SGPP2: variants seen among roughly 807,000 people sequenced by gnomAD.
SGPP2 encodes sphingosine 1-phosphate phosphohydrolase 2.
A neutral mutation model predicts 33.9 loss-of-function variants in SGPP2; 30 were observed. The ratio of observed to expected loss-of-function variants is 0.89; its 90% CI spans 0.66 to 1.20. SGPP2 has a LOEUF of 1.20. SGPP2 is among the 50% of genes most tolerant of loss of function. SGPP2 has a pLI of 0.00. For synonymous variants in SGPP2, 233 were observed against 225.0 expected, an observed-to-expected ratio of 1.04 and a Z score of -0.32; for missense variants, 458 against 532.1, an observed-to-expected ratio of 0.86 and a Z score of 1.37.
At chr2:222,506,608 A>G (rs1280767443) in intron 2 of SGPP2, among the ~76,000 whole-genome samples, 1 of 152,206 alleles carries the variant, frequency 6.6e-6, no homozygotes, top group East Asian at 1.9e-4. Context: ...ATATGTGTTC[A>G]TCAGTCGTTT....
intron 1 of SGPP2, among the ~76,000 whole-genome samples, chr2:222,429,763 G>A (rs1348170555): frequency 1.3e-5 from 2 of 152,178 alleles, no homozygotes; most frequent in Non-Finnish European, 2.9e-5. Context: ...GTCCAGACTT[G>A]AAACTGTTGA....
chr2:222,539,230 G>A (rs1007477627), intron 4 of SGPP2, among the ~76,000 whole-genome samples: 3 of 152,322 alleles, frequency 2.0e-5, no homozygotes, highest in East Asian at 1.9e-4. Flanking sequence ...GAAAGGGGCC[G>A]CAGTCTGGCC....
At chr2:222,514,181 T>C (rs1442862658) in intron 2 of SGPP2, among the ~76,000 whole-genome samples, 2 of 152,222 alleles carry the variant, frequency 1.3e-5, no homozygotes, top group Non-Finnish European at 2.9e-5. Flanking sequence ...ATTTATTTCA[T>C]AGGATAGTAG....
intron 2 of SGPP2, among the ~76,000 whole-genome samples, chr2:222,507,351 A>C (rs145334969): frequency 6.6e-6 from 1 of 152,210 alleles, no homozygotes; most frequent in Non-Finnish European, 1.5e-5. Flanking sequence ...GGATATTCTG[A>C]GACTATCTTT....
At chr2:222,448,591 C>CATTTA (rs1206393712) in intron 1 of SGPP2, among the ~76,000 whole-genome samples, 10 of 152,162 alleles carry the variant, frequency 6.6e-5, no homozygotes, top group Non-Finnish European at 1.5e-4. Flanking sequence ...GCTTAATAAG[C>CATTTA]GCTGTGTTGT....
At chr2:222,556,978 T>C (rs1689423033) in intron 4 of SGPP2, among the ~76,000 whole-genome samples, 1 of 146,326 alleles carries the variant, frequency 6.8e-6, no homozygotes, top group Non-Finnish European at 1.5e-5. Flanking sequence ...CCATCCACCC[T>C]CCCCACTGCA....
intron 1 of SGPP2, among the ~76,000 whole-genome samples, chr2:222,451,521 G>C (rs556962466): frequency 1.3e-5 from 2 of 152,330 alleles, no homozygotes; most frequent in East Asian, 3.9e-4. Context: ...AGAAACTGCA[G>C]AGCAGATGTC....
chr2:222,494,787 G>A (rs1293894052), intron 2 of SGPP2, among the ~76,000 whole-genome samples: 2 of 152,192 alleles, frequency 1.3e-5, no homozygotes, highest in African/African-American at 2.4e-5. Context: ...GCCAAAGACT[G>A]TACCTCTCTT....
intron 4 of SGPP2, among the ~76,000 whole-genome samples, chr2:222,528,065 C>T (rs1436219662): frequency 1.3e-5 from 2 of 152,230 alleles, no homozygotes; most frequent in East Asian, 3.9e-4. Context: ...GATAGCGTGC[C>T]CCTTCCCTGG....
chr2:222,526,331 A>G (rs1401771412), intron 4 of SGPP2, among the ~76,000 whole-genome samples: 1 of 152,210 alleles, frequency 6.6e-6, no homozygotes, highest in East Asian at 1.9e-4. Flanking sequence ...GGCGGGCCTC[A>G]GATCTTGGAA....
At chr2:222,515,389 C>A (rs1698589424) in intron 2 of SGPP2, among the ~76,000 whole-genome samples, 1 of 152,136 alleles carries the variant, frequency 6.6e-6, no homozygotes, top group Admixed American at 6.5e-5. Context: ...AGCGCAGTGG[C>A]ATGATCTTGG....
At chr2:222,518,652 G>A (rs1002118646) in intron 2 of SGPP2, among the ~76,000 whole-genome samples, 1 of 152,168 alleles carries the variant, frequency 6.6e-6, no homozygotes, top group African/African-American at 2.4e-5. Flanking sequence ...ACAGGAGGGA[G>A]GCAGAAACAT....
intron 1 of SGPP2, among the ~76,000 whole-genome samples, chr2:222,464,015 TGAAGTTTATAACACTCCTTCTC>T (rs1697705732): frequency 6.6e-6 from 1 of 152,148 alleles, no homozygotes; most frequent in African/African-American, 2.4e-5. Context: ...ACGAGTAAAC[TGAAGTTTATAACACTCCTTCTC>T]GAACATCATA....
At position 222,474,621 on chromosome 2, in the gene SGPP2, A is replaced by G. The variant is rs1465624359; in HGVS notation, c.273A>G (p.Gln91=). The G allele has an allele frequency of 8.1e-6, 13 of 1,613,828 alleles. No individual in the cohort carries two copies. The East Asian group carries it at 8.9e-5, about 11-fold the overall frequency. Residue 91 remains glutamine, a synonymous_variant, in exon 2 of 5, where the codon CAA becomes CAG. Transcript: ENST00000321276. ...VKNYFYYYLF[Q]FSAALGQEVF... ...ATTATTTCTACTATTACCTATTCCA[A>G]TTTTCAGCTGCTTTGGGCCAAGAAG...
At chr2:222,473,857 G>T (rs1307039228) in intron 1 of SGPP2, among the ~76,000 whole-genome samples, 1 of 150,736 alleles carries the variant, frequency 6.6e-6, no homozygotes, top group Non-Finnish European at 1.5e-5. Flanking sequence ...CCAGGAGGCG[G>T]AGGTTGTAGT....
At chr2:222,538,099 G>C (rs548947160) in intron 4 of SGPP2, among the ~76,000 whole-genome samples, 2 of 152,248 alleles carry the variant, frequency 1.3e-5, no homozygotes, top group African/African-American at 2.4e-5. Context: ...TAATTTCTGT[G>C]ACCTCTGGGA....
At chr2:222,543,873 C>T (rs1156981363) in intron 4 of SGPP2, among the ~76,000 whole-genome samples, 2 of 152,294 alleles carry the variant, frequency 1.3e-5, no homozygotes, top group East Asian at 3.9e-4. Context: ...TTCTCCAATG[C>T]TGGACTTTTT....
intron 2 of SGPP2, among the ~76,000 whole-genome samples, chr2:222,478,622 G>A (rs1046905186): frequency 3.3e-5 from 5 of 152,144 alleles, no homozygotes; most frequent in Middle Eastern, 3.2e-3. Context: ...ATCTTATCTC[G>A]CCCAAAACTC....
intron 4 of SGPP2, among the ~76,000 whole-genome samples, chr2:222,557,087 G>A (rs113505817): frequency 6.6e-6 from 1 of 152,198 alleles, no homozygotes. Context: ...TACTCATGGC[G>A]TGGGTTGGAC....
Sources: gnomAD v4.1 joint callset for allele counts (sites outside exome capture counted in the v4.1 genomes callset) on GRCh38, gnomAD v4.1.1 for gene constraint, MANE v1.5 for transcripts, NCBI Gene and HGNC (gene_info 2026-07-23, HGNC 2026-07-21) for gene names.